The following ZNF558 variants were observed in gnomAD, a reference collection of about 807,000 sequenced individuals.
The protein encoded by ZNF558 is zinc finger protein 558.
In ZNF558, 23 loss-of-function variants were observed where a neutral mutation model predicts 37.6. The ratio of observed to expected loss-of-function variants is 0.61; its 90% CI spans 0.44 to 0.87. The LOEUF is 0.87. ZNF558 is among the 40% of genes least tolerant of loss of function. The probability of loss-of-function intolerance (pLI) is 0.00; values close to 1 mark genes in which losing one functional copy is unlikely to be tolerated. For missense variants in ZNF558, 429 were observed against 483.7 expected (o/e 0.89, Z 1.06); for synonymous variants, 189 against 174.4 (o/e 1.08, Z -0.66).
intron 7 of ZNF558, among the ~76,000 whole-genome samples, chr19:8,816,052 TG>T (rs2043929384): frequency 1.4e-5 from 1 of 73,044 alleles, no homozygotes; most frequent in Non-Finnish European, 3.0e-5. Context: ...AGATTCATAC[TG>T]AAACACACAC....
chr19:8,814,267 C>A (rs1382562889), intron 7 of ZNF558, among the ~76,000 whole-genome samples: 1 of 152,188 alleles, frequency 6.6e-6, no homozygotes, highest in Non-Finnish European at 1.5e-5. Context: ...AGACCTTACT[C>A]TGTGGTTGCT....
Position 8,822,148 on chromosome 19 carries a change from G to C in ZNF558, c.32-57C>G. 1 of 1,605,096 alleles carries C rather than the reference G, an allele frequency of 6.2e-7. No individual in the cohort carries two copies. The highest frequency in any genetic ancestry group is 8.5e-7 in the Non-Finnish European group (1 of 1,174,138). ...AGGCTTGTCTGACACCCACAGATCT[G>C]CCCCTGATTGACCACACCCACCTCC... On this transcript the variant is annotated intron_variant, in intron 5 of 9. Transcript: ENST00000601372. This position sits in a 1 kb window ranked among gnomAD's most constrained non-coding sequence, Gnocchi z 4.4.
In ZNF558 at chr19:8,821,402, C is replaced by T. The variant is rs952541399; in HGVS notation, c.121-96G>A. On this transcript the variant is annotated intron_variant, in intron 6 of 9. Transcript: ENST00000601372. ...GAGAACAGAGCCAGGGCTGGGGAAACCTGAGCACGAGATGTTGGGGGGGGT... is the reference window on the plus strand; with the variant it reads ...GAGAACAGAGCCAGGGCTGGGGAAATCTGAGCACGAGATGTTGGGGGGGGT... 1.5e-5 allele frequency: 24 copies of T among 1,611,048 alleles called. No homozygotes were observed. In the African/African-American group the frequency reaches 2.7e-4, roughly 18 times the overall value.
At chr19:8,820,964 T>C (rs2044071954) in intron 7 of ZNF558, among the ~76,000 whole-genome samples, 1 of 152,122 alleles carries the variant, frequency 6.6e-6, no homozygotes, top group Non-Finnish European at 1.5e-5. Context: ...GGACGGGGTT[T>C]CCTTCAGGGT....
rs1555767563 is a variant in ZNF558, at chr19:8,810,919, G to A, written c.*362C>T. 3.2e-5 allele frequency: 6 copies of A among 189,832 alleles called. No homozygotes were observed. Among genetic ancestry groups the A allele is most frequent in the Non-Finnish European group, 5.4e-5 (5 of 91,820 alleles). 11.8% of individuals were successfully genotyped at this position (189,832 alleles called of 1,614,324 possible). A position where few individuals can be genotyped will look rare whatever the true frequency, so the allele number is the denominator to read the frequency against. ...CTGGGCCTTGTAAAGAGGCCTACAT[G>A]GTAATGACTGAAGGTCCCCTGACAA... On this transcript the variant is annotated 3_prime_UTR_variant, in exon 10 of 10. Transcript: ENST00000601372.
At chr19:8,817,306 G>A (rs371660607) in intron 7 of ZNF558, among the ~76,000 whole-genome samples, 7 of 152,130 alleles carry the variant, frequency 4.6e-5, no homozygotes, top group South Asian at 2.1e-4. Flanking sequence ...AAGATCATAC[G>A]CATTCAGTAG....
intron 2 of ZNF558, among the ~76,000 whole-genome samples, chr19:8,827,477 C>T (rs1183201922): frequency 1.3e-5 from 2 of 151,666 alleles, no homozygotes; most frequent in Non-Finnish European, 2.9e-5. Context: ...TCTTTAGTGT[C>T]TTCCCACTGG....
At position 8,828,999 on chromosome 19, in the gene ZNF558, T is replaced by C. The variant is rs951006183; in HGVS notation, c.-509+2319A>G. On this transcript the variant is annotated intron_variant, in intron 2 of 9. Transcript: ENST00000601372. ...AAAAAAGGCCGGGTGTGGTGGCTCATGCCTGTATCATCTCAGCACTTTGGG... is the reference window on the plus strand; with the variant it reads ...AAAAAAGGCCGGGTGTGGTGGCTCACGCCTGTATCATCTCAGCACTTTGGG... 4.7e-5 allele frequency among the ~76,000 whole-genome samples: 7 copies of C among 148,364 alleles called. No individual in the cohort carries two copies. In the Admixed American group the frequency reaches 4.8e-4, roughly 10 times the overall value.
rs373954355 is a variant in ZNF558, at chr19:8,821,327, C to G, written c.121-21G>C. The G allele has an allele frequency of 9.3e-6, 15 of 1,614,042 alleles. No homozygotes were observed. The African/African-American group carries it at 2.0e-4, about 22-fold the overall frequency. On this transcript the variant is annotated intron_variant, in intron 6 of 9. Coordinates refer to ENST00000601372, the MANE Select transcript of ZNF558 (RefSeq NM_144693.3). Reference sequence around the variant, plus strand: ...AAGCCCTAAAGCATTGCAAACATCACGGCTTAGCCAAGGACCACCCCCACC... The same window carrying G: ...AAGCCCTAAAGCATTGCAAACATCAGGGCTTAGCCAAGGACCACCCCCACC...
rs2043704561 is a variant in ZNF558 at position 8,806,446 on chromosome 19, C to T, written c.*4835G>A. The stretch of plus-strand genomic sequence containing the variant: ...GGGCGTGGTGGCTCACGCCTGTAAT[C>T]CCAGCACTTTGGGAGACCGAGGTGG... On this transcript the variant is annotated 3_prime_UTR_variant, in exon 10 of 10. Coordinates refer to ENST00000601372, the MANE Select transcript of ZNF558 (RefSeq NM_144693.3). 6.6e-6 allele frequency: 1 copy of T among 152,172 alleles called. No homozygotes were observed. 9.4% of individuals were successfully genotyped at this position (152,172 alleles called of 1,614,324 possible). A position where few individuals can be genotyped will look rare whatever the true frequency, so the allele number is the denominator to read the frequency against.
chr19:8,834,646 AAACC>A (rs1387498742), upstream of ZNF558, among the ~76,000 whole-genome samples: 5 of 151,832 alleles, frequency 3.3e-5, no homozygotes, highest in South Asian at 6.2e-4. Flanking sequence ...AACAAAAAAA[AAACC>A]AACCAACCAA....
At chr19:8,834,481 G>T (rs1310830154), upstream of ZNF558, among the ~76,000 whole-genome samples, 1 of 151,730 alleles carries the variant, frequency 6.6e-6, no homozygotes, top group Non-Finnish European at 1.5e-5. Context: ...GGTGGCGGGC[G>T]CCTATAGTCC....
chr19:8,821,584 G>T (rs2044092208), intron 6 of ZNF558: 1 of 1,368,102 alleles, frequency 7.3e-7, no homozygotes, highest in African/African-American at 1.5e-5. Flanking sequence ...CCACAGAGCA[G>T]CTGCCTTTTC....
In ZNF558 at chr19:8,822,492, C is replaced by T; in HGVS notation, c.31+137G>A. 2 of 1,230,474 alleles carry T rather than the reference C, an allele frequency of 1.6e-6. No individual in the cohort carries two copies. The highest frequency in any genetic ancestry group is 2.3e-6 in the Non-Finnish European group (2 of 865,194). 76.2% of individuals were successfully genotyped at this position (1,230,474 alleles called of 1,614,324 possible). A position where few individuals can be genotyped will look rare whatever the true frequency, so the allele number is the denominator to read the frequency against. On this transcript the variant is annotated intron_variant, in intron 5 of 9. Coordinates refer to ENST00000601372, the MANE Select transcript of ZNF558 (RefSeq NM_144693.3). This position sits in a 1 kb window ranked among gnomAD's most constrained non-coding sequence, Gnocchi z 4.4. ...TCCCAAATCCCGAGAGCTGCCCGAT[C>T]AGACACGGAGGACCTCTGGGCCCCT...
chr19:8,811,837 C>T lies in ZNF558; in HGVS notation c.653G>A (p.Ser218Asn), dbSNP rs781845176. The T allele has an allele frequency of 4.3e-6, 7 of 1,614,176 alleles. No individual in the cohort carries two copies. The Admixed American group carries it at 5.0e-5, about 12-fold the overall frequency. The change falls in exon 10 of 10, where the codon AGT becomes AAT. Residue 218 changes from serine (S) to asparagine (N), a missense_variant. Physicochemically the swap from Ser to Asn is conservative, Grantham distance 46. Transcript: ENST00000601372. ...YECNHCGKAF[S>N]DPSSLRLHLR... Reference sequence around the variant, plus strand: ...ATGCAGTCTAAGGGATGAGGGATCACTAAATGCTTTCCCACAGTGATTGCA... The same window carrying T: ...ATGCAGTCTAAGGGATGAGGGATCATTAAATGCTTTCCCACAGTGATTGCA...
chr19:8,816,284 T>C (rs2043937837), intron 7 of ZNF558, among the ~76,000 whole-genome samples: 1 of 152,142 alleles, frequency 6.6e-6, no homozygotes. Flanking sequence ...GCTGGTCTCA[T>C]ACTCCTGACC....
rs751965595 is a variant in ZNF558 at position 8,822,590 on chromosome 19, A to G, written c.31+39T>C. The G allele has an allele frequency of 2.5e-6, 4 of 1,613,760 alleles. No individual in the cohort carries two copies. The African/African-American group carries it at 5.3e-5, about 22-fold the overall frequency. ...CCATGCTGTGGGTCAGAACCTTTCA[A>G]GGCTGGACTCTGAGAAATGTCAGGA... On this transcript the variant is annotated intron_variant, in intron 5 of 9. Transcript: ENST00000601372. The surrounding 1 kb of genome is among the most constrained non-coding windows in gnomAD (Gnocchi z 4.4).
chr19:8,818,953 C>G (rs1427842154), intron 7 of ZNF558, among the ~76,000 whole-genome samples: 2 of 152,234 alleles, frequency 1.3e-5, no homozygotes, highest in Non-Finnish European at 2.9e-5. Context: ...GGTGAGACAA[C>G]TGGATATACA....
At chr19:8,818,695 C>T (rs555336556) in intron 7 of ZNF558, among the ~76,000 whole-genome samples, 2 of 151,986 alleles carry the variant, frequency 1.3e-5, no homozygotes, top group African/African-American at 4.8e-5. Flanking sequence ...TACAATGTAA[C>T]AATAATCAAG....
Sources: gnomAD v4.1 joint callset for allele counts (sites outside exome capture counted in the v4.1 genomes callset) on GRCh38, gnomAD v4.1.1 for gene constraint, Gnocchi (gnomAD v3.1) non-coding constraint, MANE v1.5 for transcripts, NCBI Gene and HGNC (gene_info 2026-07-23, HGNC 2026-07-21) for gene names.